The following ASAP2 variants were observed in gnomAD, a reference collection of about 807,000 sequenced individuals.
The protein encoded by ASAP2 is ArfGAP with SH3 domain, ankyrin repeat and PH domain 2, also known as arf-GAP with SH3 domain, ANK repeat and PH domain-containing protein 2.
A neutral mutation model predicts 131.4 loss-of-function variants in ASAP2; 45 were observed. That is an observed-to-expected ratio of 0.34 (90% confidence interval 0.27 to 0.44). The LOEUF (loss-of-function observed/expected upper bound fraction) is 0.44, where lower values mean the gene tolerates loss of function less well. ASAP2 is among the 20% of genes least tolerant of loss of function. ASAP2 has a pLI of 1.00. For missense variants in ASAP2, 1,011 were observed against 1,297.0 expected (o/e 0.78, Z 3.39); for synonymous variants, 510 against 503.0 (o/e 1.01, Z -0.19).
chr2:9,249,387 A>C (rs546644817), intron 1 of ASAP2, among the ~76,000 whole-genome samples: 21 of 152,050 alleles, frequency 1.4e-4, no homozygotes, highest in Non-Finnish European at 2.5e-4. Flanking sequence ...CATTTCTCTG[A>C]TGATTGTAGT....
intron 3 of ASAP2, among the ~76,000 whole-genome samples, chr2:9,304,962 G>A (rs920629268): frequency 1.3e-5 from 2 of 149,286 alleles, no homozygotes; most frequent in Admixed American, 6.7e-5. Flanking sequence ...GGAGGGGGTT[G>A]TAATAGTGGG....
At chr2:9,393,938 C>T (rs1675921684) in intron 24 of ASAP2, among the ~76,000 whole-genome samples, 1 of 152,204 alleles carries the variant, frequency 6.6e-6, no homozygotes, top group African/African-American at 2.4e-5. Flanking sequence ...GTCTCTGTTT[C>T]TGTTTTCTAT....
At chr2:9,211,169 A>AG in intron 1 of ASAP2, among the ~76,000 whole-genome samples, 1 of 151,970 alleles carries the variant, frequency 6.6e-6, no homozygotes, top group East Asian at 1.9e-4. Context: ...AAAAAAAAAA[A>AG]AAGTTTGTTG....
At chr2:9,304,782 G>T (rs2148429140) in intron 3 of ASAP2, among the ~76,000 whole-genome samples, 1 of 150,776 alleles carries the variant, frequency 6.6e-6, no homozygotes, top group Non-Finnish European at 1.5e-5. Flanking sequence ...GATATTGGTG[G>T]AGGGGCTGGA....
intron 9 of ASAP2, among the ~76,000 whole-genome samples, chr2:9,337,073 A>G (rs1048997209): frequency 6.6e-6 from 1 of 152,242 alleles, no homozygotes; most frequent in Non-Finnish European, 1.5e-5. Context: ...TAACAAATTT[A>G]CCAGCACAGA....
At position 9,232,399 on chromosome 2, in the gene ASAP2, G is replaced by T. The variant is rs1663233310; in HGVS notation, c.126+25169G>T. Among the ~76,000 whole-genome samples, 1 of 152,162 alleles carries T rather than the reference G, an allele frequency of 6.6e-6. No individual in the cohort carries two copies. The highest frequency in any genetic ancestry group is 2.4e-5 in the African/African-American group (1 of 41,438). On this transcript the variant is annotated intron_variant, in intron 1 of 27. Coordinates refer to ENST00000281419, the MANE Select transcript of ASAP2 (RefSeq NM_003887.3). This position sits in a 1 kb window ranked among gnomAD's most constrained non-coding sequence, Gnocchi z 4.1. Reference sequence around the variant, plus strand: ...TAGAGGGCCCTCCTCTGCTGGCTTTGTGCCCCCGTACCCCTTTCGCAGCTG... The same window carrying T: ...TAGAGGGCCCTCCTCTGCTGGCTTTTTGCCCCCGTACCCCTTTCGCAGCTG...
Position 9,392,074 on chromosome 2 carries a change from C to T in ASAP2, c.2518+878C>T, listed in dbSNP as rs1675770293. 6.6e-6 allele frequency among the ~76,000 whole-genome samples: 1 copy of T among 152,086 alleles called. No individual in the cohort carries two copies. Among genetic ancestry groups the T allele is most frequent in the African/African-American group, 2.4e-5 (1 of 41,390 alleles). ...AGGGTTTTGCTATGTTGCCCAGGCT[C>T]GAATTCCTGGGCTCAAGTGATCCAC... On this transcript the variant is annotated intron_variant, in intron 23 of 27. Coordinates refer to ENST00000281419, the MANE Select transcript of ASAP2 (RefSeq NM_003887.3). The surrounding 1 kb of genome is among the most constrained non-coding windows in gnomAD (Gnocchi z 4.0).
At chr2:9,272,778 T>C (rs1000076105) in intron 1 of ASAP2, among the ~76,000 whole-genome samples, 1 of 152,204 alleles carries the variant, frequency 6.6e-6, no homozygotes, top group African/African-American at 2.4e-5. Flanking sequence ...CATGGATATT[T>C]AGTCTTCCCA....
chr2:9,285,406 G>A (rs1667401693), intron 2 of ASAP2, among the ~76,000 whole-genome samples: 2 of 152,188 alleles, frequency 1.3e-5, no homozygotes, highest in African/African-American at 2.4e-5. Context: ...TGTCCCACGT[G>A]TATACAAAAC....
chr2:9,341,361 A>G (rs1671562862), intron 9 of ASAP2, among the ~76,000 whole-genome samples: 1 of 152,092 alleles, frequency 6.6e-6, no homozygotes, highest in Non-Finnish European at 1.5e-5. Context: ...CCTCTTTTTT[A>G]CAAATGTGAA....
intron 1 of ASAP2, among the ~76,000 whole-genome samples, chr2:9,220,902 C>A (rs977472379): frequency 6.6e-6 from 1 of 152,144 alleles, no homozygotes; most frequent in Non-Finnish European, 1.5e-5. Flanking sequence ...GGCACCATTT[C>A]TTGGGAAGAC....
At chr2:9,296,253 C>T (rs1232038159) in intron 2 of ASAP2, among the ~76,000 whole-genome samples, 1 of 152,210 alleles carries the variant, frequency 6.6e-6, no homozygotes, top group Non-Finnish European at 1.5e-5. Context: ...GGCTGGTTTC[C>T]TTTGAAAGTG....
chr2:9,321,049 T>G (rs955892162), intron 5 of ASAP2, among the ~76,000 whole-genome samples: 5 of 152,170 alleles, frequency 3.3e-5, no homozygotes, highest in Admixed American at 3.3e-4. Context: ...CTTCAATTAT[T>G]TTAAATACTG....
Position 9,323,173 on chromosome 2 carries a change from C to G in ASAP2, c.523C>G (p.Arg175Gly). The G allele has an allele frequency of 6.2e-7, 1 of 1,614,204 alleles. No individual in the cohort carries two copies. Among genetic ancestry groups the G allele is most frequent in the Non-Finnish European group, 8.5e-7 (1 of 1,180,040 alleles). ...KEHAKLHGMI[R>G]TEISGAEIAE... ...ACACGCCAAGCTCCATGGGATGATT[C>G]GGACTGAAATAAGCGGAGCGGAAAT... The change falls in exon 6 of 28, where the codon CGG (arginine) becomes GGG (glycine). Residue 175 changes from arginine (R) to glycine (G), a missense_variant. Arg to Gly is a moderately radical substitution (Grantham distance 125). Around this residue, in one of 2 missense-constraint regions of ASAP2, gnomAD observed 359 missense variants for 598.1 expected, o/e 0.60. Transcript: ENST00000281419.
intron 7 of ASAP2, among the ~76,000 whole-genome samples, chr2:9,333,764 G>T (rs1258418671): frequency 2.0e-5 from 3 of 152,088 alleles, no homozygotes; most frequent in East Asian, 3.9e-4. Context: ...CTCTCAAAAG[G>T]GTTACACACA....
chr2:9,386,986 C>T (rs1041253993), intron 21 of ASAP2, among the ~76,000 whole-genome samples: 4 of 151,626 alleles, frequency 2.6e-5, no homozygotes, highest in Non-Finnish European at 5.9e-5. Flanking sequence ...GGGCGGATCA[C>T]GAGGTCAGGA....
intron 2 of ASAP2, among the ~76,000 whole-genome samples, chr2:9,289,536 C>T (rs1644053502): frequency 6.6e-6 from 1 of 152,072 alleles, no homozygotes; most frequent in South Asian, 2.1e-4. Flanking sequence ...GGGACAGAAA[C>T]CATCAACATA....
intron 14 of ASAP2, among the ~76,000 whole-genome samples, chr2:9,358,303 G>C (rs148721906): frequency 6.6e-6 from 1 of 152,196 alleles, no homozygotes; most frequent in African/African-American, 2.4e-5. Context: ...TACATAGTAC[G>C]TTCTCTGTTA....
At chr2:9,243,412 GA>G (rs1231236407) in intron 1 of ASAP2, among the ~76,000 whole-genome samples, 1 of 152,140 alleles carries the variant, frequency 6.6e-6, no homozygotes, top group Non-Finnish European at 1.5e-5. Flanking sequence ...CCGGCCTAAA[GA>G]TTTTTTTTAT....
Sources: allele counts gnomAD v4.1 joint callset (sites outside exome capture counted in the v4.1 genomes callset), GRCh38; gene constraint gnomAD v4.1.1; regional missense constraint gnomAD v4.1.1; non-coding constraint Gnocchi (gnomAD v3.1); transcripts MANE v1.5; gene names NCBI Gene and HGNC (gene_info 2026-07-23, HGNC 2026-07-21).